MAF: variants seen among roughly 807,000 people sequenced by gnomAD.
MAF encodes the protein MAF bZIP transcription factor.
Under a neutral mutation model 22.0 loss-of-function variants are expected in MAF, and 10 were observed. The observed-to-expected ratio is 0.45, with a 90% CI of 0.28 to 0.77. The LOEUF (loss-of-function observed/expected upper bound fraction) is 0.77. Among genes scored for constraint, MAF ranks in the 30% least tolerant of loss-of-function variants. MAF has a pLI of 0.12. For missense variants in MAF, 544 were observed against 548.4 expected, an observed-to-expected ratio of 0.99 and a Z score of 0.08; for synonymous variants, 337 against 255.8, an observed-to-expected ratio of 1.32 and a Z score of -3.03.
At chr16:79,433,252 G>T in the MAF span, among the ~76,000 whole-genome samples, 1 of 133,184 alleles carries the variant, frequency 7.5e-6, no homozygotes, top group Non-Finnish European at 1.6e-5. Flanking sequence ...AATACATAAT[G>T]TAAGATAAGA....
At chr16:79,303,860 A>G in the MAF span, among the ~76,000 whole-genome samples, 1 of 152,214 alleles carries the variant, frequency 6.6e-6, no homozygotes, top group African/African-American at 2.4e-5. Flanking sequence ...AGACTCCTGT[A>G]ATTTATACCA....
At chr16:79,568,128 G>A in the MAF span, among the ~76,000 whole-genome samples, 3 of 152,190 alleles carry the variant, frequency 2.0e-5, no homozygotes, top group African/African-American at 7.2e-5. Context: ...GAGGGAGTCT[G>A]TTTCTCAATA....
chr16:79,487,694 G>A, the MAF span, among the ~76,000 whole-genome samples: 1 of 152,190 alleles, frequency 6.6e-6, no homozygotes, highest in African/African-American at 2.4e-5. Flanking sequence ...AGGGAAGGCA[G>A]AGGAAAAGAT....
chr16:79,403,736 A>G, the MAF span, among the ~76,000 whole-genome samples: 8 of 152,304 alleles, frequency 5.3e-5, no homozygotes, highest in African/African-American at 1.9e-4. Context: ...ATAGCAACCT[A>G]ACATAGGAAA....
chr16:79,232,005 G>A, the MAF span, among the ~76,000 whole-genome samples: 7 of 151,938 alleles, frequency 4.6e-5, no homozygotes, highest in South Asian at 1.0e-3. Context: ...TTTACAATAG[G>A]GTTTGCCCTC....
At chr16:79,237,492 C>G in the MAF span, among the ~76,000 whole-genome samples, 1 of 151,980 alleles carries the variant, frequency 6.6e-6, no homozygotes, top group East Asian at 1.9e-4. Flanking sequence ...AGGATTTCTC[C>G]CCCAACTTCT....
At chr16:79,437,962 T>C in the MAF span, among the ~76,000 whole-genome samples, 115 of 152,276 alleles carry the variant, frequency 7.6e-4, no homozygotes, top group Non-Finnish European at 1.5e-3. Context: ...GGAGGCCTGT[T>C]TGTGGAGACA....
chr16:79,426,810 G>A, the MAF span, among the ~76,000 whole-genome samples: 1 of 152,244 alleles, frequency 6.6e-6, no homozygotes, highest in Admixed American at 6.5e-5. Context: ...TCTGTTAGCA[G>A]GAAGGCTGGC....
chr16:79,338,534 C>G, the MAF span, among the ~76,000 whole-genome samples: 16 of 152,030 alleles, frequency 1.1e-4, no homozygotes, highest in Admixed American at 2.6e-4. Context: ...GAACAATTTT[C>G]AAGCCAAAAA....
the MAF span, among the ~76,000 whole-genome samples, chr16:79,482,217 T>C: frequency 6.6e-6 from 1 of 152,190 alleles, no homozygotes; most frequent in African/African-American, 2.4e-5. Context: ...GAGACCACAG[T>C]CATATGACAG....
At chr16:79,344,344 G>A in the MAF span, among the ~76,000 whole-genome samples, 2 of 152,214 alleles carry the variant, frequency 1.3e-5, no homozygotes, top group Admixed American at 1.3e-4. Flanking sequence ...CAAGATCGGG[G>A]CTTCCCAAGC....
At chr16:79,537,835 C>T in the MAF span, among the ~76,000 whole-genome samples, 5 of 152,162 alleles carry the variant, frequency 3.3e-5, no homozygotes, top group East Asian at 1.9e-4. Context: ...GAATGACAGT[C>T]GCCGTTGATT....
the MAF span, among the ~76,000 whole-genome samples, chr16:79,417,890 G>A: frequency 6.6e-6 from 1 of 152,054 alleles, no homozygotes; most frequent in East Asian, 1.9e-4. Context: ...CCGTATTTTC[G>A]CCTGGAAATG....
the MAF span, among the ~76,000 whole-genome samples, chr16:79,287,627 A>G: frequency 1.3e-5 from 2 of 152,240 alleles, no homozygotes; most frequent in African/African-American, 2.4e-5. Flanking sequence ...AGCGTCAGGA[A>G]TCAGACTGCA....
downstream of MAF, among the ~76,000 whole-genome samples, chr16:79,593,093 CAAACAAA>C (rs1178279276): frequency 6.6e-6 from 1 of 151,996 alleles, no homozygotes. Context: ...AAAAAACAAA[CAAACAAA>C]AAACAAAAAG....
the MAF span, among the ~76,000 whole-genome samples, chr16:79,216,462 T>C: frequency 6.6e-6 from 1 of 152,232 alleles, no homozygotes; most frequent in Non-Finnish European, 1.5e-5. Context: ...CAGTAGAAAC[T>C]GTGCTTAGAG....
chr16:79,302,087 G>A, the MAF span, among the ~76,000 whole-genome samples: 1 of 152,212 alleles, frequency 6.6e-6, no homozygotes, highest in African/African-American at 2.4e-5. Context: ...TCCCTCCAGT[G>A]CCACTAGGAC....
chr16:79,274,345 A>T, the MAF span, among the ~76,000 whole-genome samples: 2 of 151,926 alleles, frequency 1.3e-5, no homozygotes, highest in African/African-American at 4.8e-5. Flanking sequence ...GCTCACTCAG[A>T]CACTAGTCAA....
At chr16:79,463,311 T>A in the MAF span, among the ~76,000 whole-genome samples, 1 of 152,238 alleles carries the variant, frequency 6.6e-6, no homozygotes, top group East Asian at 1.9e-4. Flanking sequence ...TTAAGTCACA[T>A]AATGACATGA....
Sources: gnomAD v4.1 joint callset for allele counts (sites outside exome capture counted in the v4.1 genomes callset) on GRCh38, gnomAD v4.1.1 for gene constraint, MANE v1.5 for transcripts, NCBI Gene and HGNC (gene_info 2026-07-23, HGNC 2026-07-21) for gene names.